WHRN: variants seen among roughly 807,000 people sequenced by gnomAD.
WHRN encodes the protein CASK-interacting protein CIP98.
WHRN carries 41 observed loss-of-function variants against 68.3 expected under a neutral mutation model. The observed-to-expected ratio is 0.60, with a 90% CI of 0.47 to 0.78. The LOEUF is 0.78. WHRN is among the 30% of genes least tolerant of loss of function. The probability of loss-of-function intolerance (pLI) is 0.00; values close to 1 mark genes in which losing one functional copy is unlikely to be tolerated. For missense variants in WHRN, 1,243 were observed against 1,244.7 expected (o/e 1.00, Z 0.02); for synonymous variants, 560 against 561.3 (o/e 1.00, Z 0.03).
intron 3 of WHRN, among the ~76,000 whole-genome samples, chr9:114,444,220 G>A (rs754135787): frequency 7.9e-5 from 12 of 152,180 alleles, no homozygotes; most frequent in Non-Finnish European, 1.2e-4. Flanking sequence ...GTTGAAACTT[G>A]CTAAGAAGCA....
intron 2 of WHRN, among the ~76,000 whole-genome samples, chr9:114,475,305 C>A (rs753636796): frequency 3.9e-5 from 6 of 152,058 alleles, no homozygotes; most frequent in Non-Finnish European, 7.4e-5. Flanking sequence ...ATAGAGGCTG[C>A]GGGTTAGAAC....
rs371373433 is a variant in WHRN at position 114,402,911 on chromosome 9, C to A, written c.2567G>T (p.Gly856Val). ...AATCACGTGGCCCACCTTGAGCTGC[C>A]CACAGTTGTGAGCTGAGCCGCCTCT... ...IQRGGSAHNC[G>V]QLKVGHVILE... The change falls in exon 12 of 12, where the codon GGG becomes GTG. Residue 856 changes from glycine (G) to valine (V), a missense_variant. Gly to Val is a moderately radical substitution (Grantham distance 109, BLOSUM62 -3). Transcript: ENST00000362057. 27 of 1,613,160 alleles carry A rather than the reference C, an allele frequency of 1.7e-5. No individual in the cohort carries two copies. Among genetic ancestry groups the A allele is most frequent in the Non-Finnish European group, 2.2e-5 (26 of 1,179,770 alleles).
At chr9:114,409,932 AC>A (rs1457352911) in intron 7 of WHRN, among the ~76,000 whole-genome samples, 4 of 151,500 alleles carry the variant, frequency 2.6e-5, no homozygotes, top group Non-Finnish European at 4.4e-5. Context: ...GCAGCTCAGG[AC>A]CCCCAAGGGC....
rs550623631 is a variant in WHRN, at chr9:114,473,694, A to G, written c.837+4859T>C. ...GGTTCATTGCCACATTAACAACCCC[A>G]TCTCCAATAAATATGGGTGATAGAA... is the stretch of plus-strand genomic sequence containing the variant. On this transcript the variant is annotated intron_variant, in intron 2 of 11. Transcript: ENST00000362057. 1.2e-4 allele frequency among the ~76,000 whole-genome samples: 18 copies of G among 152,274 alleles called. No individual in the cohort carries two copies. The South Asian group carries it at 3.5e-3, about 30-fold the overall frequency.
chr9:114,407,027 T>C, intron 8 of WHRN, 135 bp from the exon 9 acceptor site: 1 of 1,004,894 alleles, frequency 1.0e-6, no homozygotes, highest in Non-Finnish European at 1.5e-6. Flanking sequence ...CACACTGCTC[T>C]GAATAATGCA....
At chr9:114,412,235 C>T (rs1230713422) in intron 7 of WHRN, among the ~76,000 whole-genome samples, 1 of 152,260 alleles carries the variant, frequency 6.6e-6, no homozygotes, top group Non-Finnish European at 1.5e-5. Context: ...TAGCTGCAGA[C>T]AGCCGGCTAA....
intron 7 of WHRN, among the ~76,000 whole-genome samples, chr9:114,417,294 C>A (rs1835886381): frequency 6.6e-6 from 1 of 152,246 alleles, no homozygotes; most frequent in Admixed American, 6.5e-5. Context: ...TAAATGGAAA[C>A]TGGCTCCATT....
chr9:114,427,431 G>A (rs1456471143), intron 3 of WHRN, among the ~76,000 whole-genome samples: 1 of 152,042 alleles, frequency 6.6e-6, no homozygotes, highest in Non-Finnish European at 1.5e-5. Flanking sequence ...TGGGTCAACT[G>A]AGGTCCAAGG....
rs1296364604 is a variant in WHRN at position 114,486,983 on chromosome 9, A to G, written c.619-8212T>C. ...TGTATATATATATATATATATATAT[A>G]TATATATATATATATATATATATAT... On this transcript the variant is annotated intron_variant, in intron 1 of 11. Coordinates refer to ENST00000362057, the MANE Select transcript of WHRN (RefSeq NM_015404.4). Among the ~76,000 whole-genome samples, 14 of 3,402 alleles carry G rather than the reference A, an allele frequency of 4.1e-3. 1 individual carries two copies. The highest frequency in any genetic ancestry group is 5.1e-3 in the African/African-American group (14 of 2,734). The allele number at this position is 3,402 out of a possible 152,430, so 2.2% of individuals were successfully genotyped here.
intron 1 of WHRN, among the ~76,000 whole-genome samples, chr9:114,490,570 T>TTTTC (rs10676839): frequency 0.98 from 148,651 of 152,190 alleles, 72,687 homozygotes; most frequent in South Asian, 1. Context: ...TTCCACCCTC[T>TTTTC]TTTAAGAGTT....
intron 1 of WHRN, among the ~76,000 whole-genome samples, chr9:114,485,020 G>A (rs1210938531): frequency 6.6e-6 from 1 of 152,216 alleles, no homozygotes; most frequent in Non-Finnish European, 1.5e-5. Context: ...CAAGCATGGG[G>A]TGGACCTCAA....
chr9:114,485,218 A>AAG (rs1261925425), intron 1 of WHRN, among the ~76,000 whole-genome samples: 1 of 152,244 alleles, frequency 6.6e-6, no homozygotes, highest in Admixed American at 6.5e-5. Flanking sequence ...TCTAAGACCC[A>AAG]TCTTAGTGAC....
intron 3 of WHRN, among the ~76,000 whole-genome samples, chr9:114,429,399 G>T (rs1344132340): frequency 6.6e-6 from 1 of 152,134 alleles, no homozygotes; most frequent in Non-Finnish European, 1.5e-5. Flanking sequence ...GTGCCACATG[G>T]CCCCACAAAA....
intron 1 of WHRN, among the ~76,000 whole-genome samples, chr9:114,484,085 C>CA (rs1842300572): frequency 6.6e-6 from 1 of 152,178 alleles, no homozygotes; most frequent in Non-Finnish European, 1.5e-5. Context: ...TCTGAGGTTC[C>CA]ACAGGGTTTA....
intron 1 of WHRN, among the ~76,000 whole-genome samples, chr9:114,492,380 A>G (rs759801610): frequency 1.3e-5 from 2 of 152,244 alleles, no homozygotes; most frequent in African/African-American, 2.4e-5. Context: ...ACTGTCTAAC[A>G]AGAAGAAATT....
At chr9:114,405,336 A>G (rs1452884699) in intron 9 of WHRN, among the ~76,000 whole-genome samples, 1 of 152,100 alleles carries the variant, frequency 6.6e-6, no homozygotes, top group East Asian at 1.9e-4. Flanking sequence ...TCCGCCTCCC[A>G]AAGTGCTTGG....
chr9:114,469,230 A>T (rs1455715128), intron 2 of WHRN, among the ~76,000 whole-genome samples: 1 of 152,190 alleles, frequency 6.6e-6, no homozygotes. Context: ...GGCCTTCCTC[A>T]GGGGAGATGA....
At chr9:114,408,707 C>T (rs1315354281) in intron 7 of WHRN, among the ~76,000 whole-genome samples, 1 of 152,246 alleles carries the variant, frequency 6.6e-6, no homozygotes, top group African/African-American at 2.4e-5. Context: ...GCTTCCACCA[C>T]TGTGATGATT....
intron 3 of WHRN, among the ~76,000 whole-genome samples, chr9:114,465,595 C>T (rs1840612887): frequency 1.3e-5 from 2 of 152,128 alleles, no homozygotes; most frequent in Admixed American, 1.3e-4. Flanking sequence ...GGTCCAGCAT[C>T]CTCGTGAGCA....
Sources: allele counts gnomAD v4.1 joint callset (sites outside exome capture counted in the v4.1 genomes callset), GRCh38; gene constraint gnomAD v4.1.1; transcripts MANE v1.5; gene names NCBI Gene and HGNC (gene_info 2026-07-23, HGNC 2026-07-21).